CIMAP3: variants seen among roughly 807,000 people sequenced by gnomAD.
CIMAP3 encodes the protein ciliary microtubule associated protein 3.
At chr1:111,339,251 C>A in the CIMAP3 span, among the ~76,000 whole-genome samples, 2 of 151,520 alleles carry the variant, frequency 1.3e-5, no homozygotes, top group South Asian at 4.2e-4. Flanking sequence ...CAATGTCATA[C>A]TGAATGGGCA....
At chr1:111,326,814 GTT>G in the CIMAP3 span, among the ~76,000 whole-genome samples, 5 of 152,008 alleles carry the variant, frequency 3.3e-5, no homozygotes, top group African/African-American at 1.2e-4. Flanking sequence ...TCTCATTGTG[GTT>G]TTAATTTGCA....
the CIMAP3 span, among the ~76,000 whole-genome samples, chr1:111,325,530 A>G: frequency 2.6e-5 from 4 of 152,136 alleles, no homozygotes; most frequent in African/African-American, 9.7e-5. Context: ...GGGATTCTCA[A>G]TCCTGCTTTG....
At chr1:111,340,843 C>A in the CIMAP3 span, among the ~76,000 whole-genome samples, 1 of 152,064 alleles carries the variant, frequency 6.6e-6, no homozygotes, top group Non-Finnish European at 1.5e-5. Context: ...TTGACCCAGC[C>A]ATCCCATTAC....
chr1:111,326,482 C>CT, the CIMAP3 span, among the ~76,000 whole-genome samples: 11 of 152,082 alleles, frequency 7.2e-5, no homozygotes, highest in Non-Finnish European at 1.2e-4. Context: ...TGATTTCACT[C>CT]TTTTTTTATA....
chr1:111,352,108 A>C, the CIMAP3 span: 1 of 120,144 alleles, frequency 8.3e-6, no homozygotes, highest in Non-Finnish European at 1.9e-5. Flanking sequence ...AGATCATAAC[A>C]TTTATAGCCC....
At chr1:111,347,618 C>CTTTTTTTTTTTTTTTT in the CIMAP3 span, 3 of 929,712 alleles carry the variant, frequency 3.2e-6, 1 homozygote, top group East Asian at 5.4e-5. Context: ...GTTGTTTTTT[C>CTTTTTTTTTTTTTTTT]TTTCTTTTTT....
At chr1:111,334,552 A>G in the CIMAP3 span, among the ~76,000 whole-genome samples, 2 of 152,236 alleles carry the variant, frequency 1.3e-5, no homozygotes, top group Non-Finnish European at 2.9e-5. Context: ...AAAGCAAGGA[A>G]CCAGTAACTG....
chr1:111,340,740 C>T, the CIMAP3 span, among the ~76,000 whole-genome samples: 1 of 152,064 alleles, frequency 6.6e-6, no homozygotes, highest in Non-Finnish European at 1.5e-5. Context: ...GAAATAGGAA[C>T]ACTTTTACAC....
chr1:111,332,421 A>G, the CIMAP3 span, among the ~76,000 whole-genome samples: 1 of 152,134 alleles, frequency 6.6e-6, no homozygotes, highest in Admixed American at 6.5e-5. Context: ...ATGAGTCTGC[A>G]GTGGGAGGCC....
chr1:111,351,513 A>G, the CIMAP3 span: 1 of 446,854 alleles, frequency 2.2e-6, no homozygotes, highest in Non-Finnish European at 3.9e-6. Flanking sequence ...ATCTCCATCT[A>G]CTGACTTGTG....
the CIMAP3 span, among the ~76,000 whole-genome samples, chr1:111,339,892 C>T: frequency 9.2e-5 from 14 of 151,602 alleles, no homozygotes; most frequent in African/African-American, 2.7e-4. Flanking sequence ...GAGCCCGCAT[C>T]GCCAAGTCAA....
the CIMAP3 span, chr1:111,351,133 C>A: frequency 2.5e-6 from 2 of 792,526 alleles, no homozygotes; most frequent in Non-Finnish European, 2.0e-6. Flanking sequence ...GGCTAGATTA[C>A]TATGGAGTTG....
At chr1:111,331,040 C>T in the CIMAP3 span, among the ~76,000 whole-genome samples, 6 of 152,200 alleles carry the variant, frequency 3.9e-5, no homozygotes, top group Non-Finnish European at 7.3e-5. Context: ...CTCTCCTGCC[C>T]TATAAGGTTT....
the CIMAP3 span, chr1:111,347,066 C>T: frequency 6.3e-7 from 1 of 1,586,616 alleles, no homozygotes; most frequent in Non-Finnish European, 8.6e-7. Context: ...ATTCACCTCC[C>T]CTTAGATGCT....
chr1:111,348,715 A>G, the CIMAP3 span: 1 of 1,428,712 alleles, frequency 7.0e-7, no homozygotes, highest in Non-Finnish European at 9.4e-7. Flanking sequence ...ACGTAATAAA[A>G]GAAGCACATA....
chr1:111,347,844 C>T, the CIMAP3 span: 9 of 1,084,378 alleles, frequency 8.3e-6, no homozygotes, highest in South Asian at 1.2e-4. Context: ...GGGCAGAGAG[C>T]AAGAGGGGGG....
chr1:111,346,163 GA>G, the CIMAP3 span: 1 of 152,778 alleles, frequency 6.5e-6, no homozygotes, highest in Non-Finnish European at 1.5e-5. Flanking sequence ...TGAGGAAAAG[GA>G]AAAATGGTCT....
the CIMAP3 span, among the ~76,000 whole-genome samples, chr1:111,336,196 T>C: frequency 6.6e-6 from 1 of 152,086 alleles, no homozygotes; most frequent in Non-Finnish European, 1.5e-5. Context: ...CAAAAACCCA[T>C]CTGCACATCA....
At chr1:111,325,492 A>G in the CIMAP3 span, among the ~76,000 whole-genome samples, 3 of 152,174 alleles carry the variant, frequency 2.0e-5, no homozygotes, top group Non-Finnish European at 4.4e-5. Flanking sequence ...TCTCTTCTCC[A>G]GAATAGAGAT....
Sources: gnomAD v4.1 joint callset for allele counts (sites outside exome capture counted in the v4.1 genomes callset) on GRCh38, gnomAD v4.1.1 for gene constraint, MANE v1.5 for transcripts, NCBI Gene and HGNC (gene_info 2026-07-23, HGNC 2026-07-21) for gene names.